Variants in VPS13D observed in about 807,000 individuals in gnomAD.
VPS13D encodes intermembrane lipid transfer protein VPS13D.
In VPS13D, 187 loss-of-function variants were observed where a neutral mutation model predicts 461.9. The ratio of observed to expected loss-of-function variants is 0.40; its 90% CI spans 0.36 to 0.46. VPS13D has a LOEUF of 0.46. Among genes scored for constraint, VPS13D ranks in the 20% least tolerant of loss-of-function variants. The pLI, the probability that VPS13D is intolerant of heterozygous loss-of-function variation, is 0.60. For synonymous variants in VPS13D, 1,951 were observed against 1,986.3 expected (o/e 0.98, Z 0.47); for missense variants, 4,711 against 5,364.9 (o/e 0.88, Z 3.81).
chr1:12,433,635 T>G (rs1645021162), intron 65 of VPS13D, among the ~76,000 whole-genome samples: 1 of 152,186 alleles, frequency 6.6e-6, no homozygotes. Flanking sequence ...AGTCGGCAGC[T>G]CCTGCGGGGA....
Position 12,277,898 on chromosome 1 carries a change from C to T in VPS13D, c.4310C>T (p.Thr1437Ile). ...KDIKLYSLNC[T>I]QLAGREAVGS... is the part of the protein sequence containing the mutation. ...ATTAAACTGTATTCTTTGAATTGCA[C>T]CCAGTTGGCAGGTAGAGAAGCTGTT... The change falls in exon 19 of 70, where the codon ACC (threonine) becomes ATC (isoleucine). Residue 1437 changes from threonine (T) to isoleucine (I), a missense_variant. Thr to Ile is a moderately conservative substitution (Grantham distance 89). Coordinates refer to ENST00000620676, the MANE Select transcript of VPS13D (RefSeq NM_015378.4). 1.9e-6 allele frequency: 3 copies of T among 1,614,092 alleles called. No homozygotes were observed. The highest frequency in any genetic ancestry group is 2.5e-6 in the Non-Finnish European group (3 of 1,180,024).
Position 12,308,524 on chromosome 1 carries a change from C to A in VPS13D, c.6533C>A (p.Ala2178Glu). 2 of 1,614,064 alleles carry A rather than the reference C, an allele frequency of 1.2e-6. No individual in the cohort carries two copies. The highest frequency in any genetic ancestry group is 4.5e-5 in the East Asian group (2 of 44,876). Reference protein sequence around the residue: ...AERHPREYSKAPEDSSGDLIF... With the variant: ...AERHPREYSKEPEDSSGDLIF... ...AGACATCCGAGAGAATACTCGAAGGCACCAGAGGATAGTAGTGGAGATCTG... is the reference window on the plus strand; with the variant it reads ...AGACATCCGAGAGAATACTCGAAGGAACCAGAGGATAGTAGTGGAGATCTG... The change falls in exon 27 of 70, where the codon GCA becomes GAA. Residue 2178 changes from alanine to glutamate, a missense_variant. Ala to Glu is a moderately radical substitution (Grantham distance 107, BLOSUM62 -1). Around this residue, in one of 3 missense-constraint regions of VPS13D, gnomAD observed 4,411 missense variants for 4,937.8 expected, o/e 0.89. Transcript: ENST00000620676.
chr1:12,247,694 T>A (rs575266788), intron 5 of VPS13D, among the ~76,000 whole-genome samples: 1 of 151,316 alleles, frequency 6.6e-6, no homozygotes, highest in South Asian at 2.1e-4. Flanking sequence ...ATTTGAATCC[T>A]TTGCCACAAT....
intron 27 of VPS13D, among the ~76,000 whole-genome samples, chr1:12,309,681 A>G (rs1351709859): frequency 6.6e-6 from 1 of 150,502 alleles, no homozygotes; most frequent in Non-Finnish European, 1.5e-5. Flanking sequence ...AGAATTGATT[A>G]TACCAGGGAG....
intron 68 of VPS13D, among the ~76,000 whole-genome samples, chr1:12,498,817 G>A (rs1405296314): frequency 1.3e-5 from 2 of 152,124 alleles, no homozygotes; most frequent in Non-Finnish European, 2.9e-5. Flanking sequence ...GAGAGGGGGA[G>A]CTCTCTGGTG....
intron 65 of VPS13D, among the ~76,000 whole-genome samples, chr1:12,441,193 C>T (rs534611396): frequency 2.0e-5 from 3 of 152,308 alleles, no homozygotes; most frequent in South Asian, 4.1e-4. Flanking sequence ...TCCCAAAGTG[C>T]TGGGATTACA....
chr1:12,313,605 C>G (rs1642814635), intron 29 of VPS13D, among the ~76,000 whole-genome samples: 1 of 152,078 alleles, frequency 6.6e-6, no homozygotes, highest in East Asian at 1.9e-4. Flanking sequence ...AACGATGGTT[C>G]CAAATGCATT....
chr1:12,346,804 C>A, intron 44 of VPS13D, 152 bp downstream of exon 44: 1 of 757,038 alleles, frequency 1.3e-6, no homozygotes, highest in Non-Finnish European at 2.0e-6. Flanking sequence ...TGATTACCTT[C>A]CTTTTCCAAA....
In VPS13D at chr1:12,319,479, C is replaced by T. The variant is rs369165217; in HGVS notation, c.7415-18C>T. On this transcript the variant is annotated intron_variant, in intron 31 of 69. Transcript: ENST00000620676. The stretch of plus-strand genomic sequence containing the variant: ...AGCTTCCCAGCTCTGGCTTGATTGA[C>T]GACGTTGTCCTTTCCAGGTACGGAG... 23 of 1,613,454 alleles carry T rather than the reference C, an allele frequency of 1.4e-5. No homozygotes were observed. The highest frequency in any genetic ancestry group is 1.2e-4 in the Admixed American group (7 of 59,956).
chr1:12,335,868 G>T (rs1345964849), intron 39 of VPS13D, 41 bp downstream of exon 39: 5 of 1,612,452 alleles, frequency 3.1e-6, no homozygotes, highest in South Asian at 2.2e-5. Context: ...AATCACTTTT[G>T]ACCTACAAAG....
At chr1:12,479,925 A>T (rs1026497204) in intron 67 of VPS13D, among the ~76,000 whole-genome samples, 2 of 152,236 alleles carry the variant, frequency 1.3e-5, no homozygotes, top group Non-Finnish European at 2.9e-5. Context: ...CACCAGCTTA[A>T]CACAGAGACA....
At chr1:12,384,073 G>A (rs1450662089) in intron 58 of VPS13D, among the ~76,000 whole-genome samples, 2 of 152,192 alleles carry the variant, frequency 1.3e-5, no homozygotes, top group African/African-American at 4.8e-5. Context: ...CACTTCCTCT[G>A]GCTGCAATGT....
intron 59 of VPS13D, among the ~76,000 whole-genome samples, chr1:12,385,983 G>A (rs1439417682): frequency 1.3e-5 from 2 of 152,182 alleles, no homozygotes; most frequent in African/African-American, 4.8e-5. Context: ...TTGGGGTGAA[G>A]GGTATGCCTA....
At chr1:12,371,175 G>A (rs1157409427) in intron 54 of VPS13D, among the ~76,000 whole-genome samples, 3 of 151,840 alleles carry the variant, frequency 2.0e-5, no homozygotes, top group East Asian at 1.9e-4. Context: ...TTATCACCCC[G>A]AAAAGAAACC....
intron 2 of VPS13D, among the ~76,000 whole-genome samples, chr1:12,239,977 C>T (rs983141414): frequency 6.6e-6 from 1 of 152,062 alleles, no homozygotes; most frequent in South Asian, 2.1e-4. Context: ...TTCTGCTTGG[C>T]TCTTTGGAGG....
chr1:12,503,629 A>C (rs1021435595), intron 68 of VPS13D, among the ~76,000 whole-genome samples: 1 of 152,212 alleles, frequency 6.6e-6, no homozygotes, highest in Non-Finnish European at 1.5e-5. Context: ...TGGAAGGATA[A>C]AGCTTATCTG....
Position 12,242,517 on chromosome 1 carries a change from T to C in VPS13D, c.102T>C (p.Ala34=), listed in dbSNP as rs1211418600. The C allele has an allele frequency of 2.5e-6, 4 of 1,613,856 alleles. No individual in the cohort carries two copies. Among genetic ancestry groups the C allele is most frequent in the Non-Finnish European group, 3.4e-6 (4 of 1,179,716 alleles). ...DQLSVALLKG[A]VELENLPLKK... is the part of the protein sequence containing the mutation. ...TGATGCTGTTTTTATTTTTAGGTGC[T>C]GTTGAATTAGAAAACTTGCCATTAA... The change falls in exon 3 of 70, where the codon GCT becomes GCC. Residue 34 remains alanine (A), a synonymous_variant. Transcript: ENST00000620676.
chr1:12,366,343 G>T (rs1644034315), intron 52 of VPS13D, among the ~76,000 whole-genome samples: 1 of 152,102 alleles, frequency 6.6e-6, no homozygotes, highest in African/African-American at 2.4e-5. Flanking sequence ...TATGTTTTTA[G>T]GAGCTGTTGG....
At chr1:12,274,473 G>A (rs1385910151) in intron 18 of VPS13D, among the ~76,000 whole-genome samples, 4 of 151,472 alleles carry the variant, frequency 2.6e-5, no homozygotes, top group East Asian at 1.9e-4. Context: ...CACCACGCCC[G>A]GCCAATTTTT....
Sources: allele counts gnomAD v4.1 joint callset (sites outside exome capture counted in the v4.1 genomes callset), GRCh38; gene constraint gnomAD v4.1.1; regional missense constraint gnomAD v4.1.1; transcripts MANE v1.5; gene names NCBI Gene and HGNC (gene_info 2026-07-23, HGNC 2026-07-21).